The following NRXN1 variants were observed in gnomAD, a reference collection of about 807,000 sequenced individuals.
NRXN1 encodes the protein neurexin 1.
NRXN1 carries 39 observed loss-of-function variants against 150.9 expected under a neutral mutation model. That is an observed-to-expected ratio of 0.26 (90% confidence interval 0.20 to 0.34). NRXN1 has a LOEUF of 0.34. Among genes scored for constraint, NRXN1 ranks in the 10% least tolerant of loss-of-function variants. NRXN1 has a pLI of 1.00. For missense variants in NRXN1, 1,815 were observed against 1,949.9 expected, an observed-to-expected ratio of 0.93 and a Z score of 1.30; for synonymous variants, 924 against 757.0, an observed-to-expected ratio of 1.22 and a Z score of -3.62.
chr2:50,614,659 A>AT (rs201522217), intron 8 of NRXN1, among the ~76,000 whole-genome samples: 75 of 142,282 alleles, frequency 5.3e-4, no homozygotes, highest in African/African-American at 1.8e-3. Flanking sequence ...ATATATATAT[A>AT]AAATAAAAAA....
At chr2:50,377,082 A>AT (rs942314701) in intron 17 of NRXN1, among the ~76,000 whole-genome samples, 1 of 150,898 alleles carries the variant, frequency 6.6e-6, no homozygotes, top group Admixed American at 6.6e-5. Flanking sequence ...TCTTTCTCCC[A>AT]TTTTTTTCTT....
At chr2:50,037,070 G>C (rs1306430880) in intron 21 of NRXN1, among the ~76,000 whole-genome samples, 1 of 152,164 alleles carries the variant, frequency 6.6e-6, no homozygotes, top group Non-Finnish European at 1.5e-5. Context: ...CAAAAGGTTA[G>C]CTGAGAAACA....
intron 18 of NRXN1, among the ~76,000 whole-genome samples, chr2:50,232,730 C>A (rs937350560): frequency 1.3e-5 from 2 of 151,842 alleles, no homozygotes; most frequent in African/African-American, 4.8e-5. Flanking sequence ...ATGTTCTCTG[C>A]CATCAGAAAG....
intron 18 of NRXN1, among the ~76,000 whole-genome samples, chr2:50,189,700 G>A (rs2061331117): frequency 6.6e-6 from 1 of 152,022 alleles, no homozygotes; most frequent in Non-Finnish European, 1.5e-5. Flanking sequence ...TAAGCAGAAA[G>A]GGAATATGGA....
intron 18 of NRXN1, among the ~76,000 whole-genome samples, chr2:50,224,844 C>G (rs920632360): frequency 2.4e-4 from 36 of 151,724 alleles, no homozygotes; most frequent in African/African-American, 8.7e-4. Flanking sequence ...CTAGTGGATT[C>G]TTCTCTTCTC....
At chr2:50,630,653 A>G (rs2104393795) in intron 5 of NRXN1, among the ~76,000 whole-genome samples, 2 of 151,886 alleles carry the variant, frequency 1.3e-5, no homozygotes, top group South Asian at 4.1e-4. Context: ...TCTTGATTAT[A>G]TTGCTTTTCA....
chr2:50,282,184 C>T (rs530505551), intron 17 of NRXN1, among the ~76,000 whole-genome samples: 12 of 152,198 alleles, frequency 7.9e-5, no homozygotes, highest in African/African-American at 2.9e-4. Context: ...TAGGTAGAGC[C>T]TGTATCATAA....
intron 21 of NRXN1, among the ~76,000 whole-genome samples, chr2:50,032,008 G>A (rs532548579): frequency 6.6e-6 from 1 of 152,052 alleles, no homozygotes; most frequent in South Asian, 2.1e-4. Flanking sequence ...ATCATTCTTT[G>A]TAACAGATGG....
chr2:50,600,523 C>G (rs1676085244), intron 8 of NRXN1, among the ~76,000 whole-genome samples: 1 of 152,026 alleles, frequency 6.6e-6, no homozygotes, highest in Admixed American at 6.6e-5. Flanking sequence ...CGGGGTTTCA[C>G]CATGTTGACC....
At chr2:50,858,145 T>C (rs1188836372) in intron 5 of NRXN1, among the ~76,000 whole-genome samples, 1 of 152,088 alleles carries the variant, frequency 6.6e-6, no homozygotes, top group Non-Finnish European at 1.5e-5. Context: ...AATGCTTCAT[T>C]GTTTGTGCAT....
intron 5 of NRXN1, among the ~76,000 whole-genome samples, chr2:50,827,600 A>G (rs1486824538): frequency 6.6e-6 from 1 of 152,130 alleles, no homozygotes; most frequent in African/African-American, 2.4e-5. Context: ...TAATGTTTTT[A>G]TTTATTTATT....
intron 2 of NRXN1, among the ~76,000 whole-genome samples, chr2:51,018,227 G>A (rs987026410): frequency 5.9e-5 from 9 of 152,208 alleles, no homozygotes; most frequent in South Asian, 2.1e-4. Context: ...GGATATTAGT[G>A]AAGCAACTGT....
chr2:50,741,399 A>C (rs1699409325), intron 5 of NRXN1, among the ~76,000 whole-genome samples: 1 of 152,196 alleles, frequency 6.6e-6, no homozygotes, highest in Non-Finnish European at 1.5e-5. Context: ...ACACATCTGT[A>C]TTCTCTATTC....
intron 2 of NRXN1, among the ~76,000 whole-genome samples, chr2:50,969,513 T>C (rs1285465524): frequency 6.6e-6 from 1 of 152,176 alleles, no homozygotes; most frequent in East Asian, 1.9e-4. Flanking sequence ...GGTATTAATA[T>C]CTTTCAGGAA....
At chr2:50,366,329 A>C (rs2079581605) in intron 17 of NRXN1, among the ~76,000 whole-genome samples, 1 of 151,996 alleles carries the variant, frequency 6.6e-6, no homozygotes, top group Admixed American at 6.6e-5. Flanking sequence ...GTATCTATAT[A>C]GAAACACCAA....
intron 16 of NRXN1, among the ~76,000 whole-genome samples, chr2:50,469,971 C>T (rs1024668744): frequency 6.6e-6 from 1 of 151,398 alleles, no homozygotes; most frequent in African/African-American, 2.4e-5. Context: ...GTATATCCTG[C>T]TCCTCTTAAT....
intron 19 of NRXN1, among the ~76,000 whole-genome samples, chr2:50,090,840 C>G (rs1558857252): frequency 6.6e-6 from 1 of 152,020 alleles, no homozygotes; most frequent in Non-Finnish European, 1.5e-5. Context: ...TGTTTTCTCA[C>G]TAGTTCTCTA....
At chr2:50,851,225 C>A (rs969468578) in intron 5 of NRXN1, among the ~76,000 whole-genome samples, 9 of 152,144 alleles carry the variant, frequency 5.9e-5, no homozygotes, top group Non-Finnish European at 8.8e-5. Flanking sequence ...TTATTCCCCC[C>A]AAAAGTGGGG....
chr2:50,128,138 A>G (rs1352025325), intron 18 of NRXN1, among the ~76,000 whole-genome samples: 2 of 152,230 alleles, frequency 1.3e-5, no homozygotes, highest in Non-Finnish European at 2.9e-5. Flanking sequence ...GAGCTCTACC[A>G]TGATAGCTGA....
Sources: gnomAD v4.1 joint callset for allele counts (sites outside exome capture counted in the v4.1 genomes callset) on GRCh38, gnomAD v4.1.1 for gene constraint, MANE v1.5 for transcripts, NCBI Gene and HGNC (gene_info 2026-07-23, HGNC 2026-07-21) for gene names.